Variants in CRYBB2 observed in about 807,000 individuals in gnomAD.
CRYBB2 encodes the protein beta-crystallin B2.
Under a neutral mutation model 24.3 loss-of-function variants are expected in CRYBB2, and 12 were observed. That is an observed-to-expected ratio of 0.49 (90% CI 0.32 to 0.80). The LOEUF (loss-of-function observed/expected upper bound fraction) is 0.80, where lower values mean the gene tolerates loss of function less well. Ranked by LOEUF, CRYBB2 falls within the 30% of genes least tolerant of loss-of-function variation. CRYBB2 has a pLI of 0.04. For missense variants in CRYBB2, 198 were observed against 268.5 expected, an observed-to-expected ratio of 0.74 and a Z score of 1.83; for synonymous variants, 98 against 101.6, an observed-to-expected ratio of 0.96 and a Z score of 0.21.
At chr22:25,229,044 AAGTGTGGTGTGCG>A (rs1405277443) in intron 4 of CRYBB2, among the ~76,000 whole-genome samples, 9 of 139,338 alleles carry the variant, frequency 6.5e-5, no homozygotes, top group African/African-American at 2.5e-4. Context: ...GCGTGTGTGC[AAGTGTGGTGTGCG>A]TGTGTGCATG....
chr22:25,227,011 T>A (rs981833953), intron 3 of CRYBB2, among the ~76,000 whole-genome samples: 1 of 152,200 alleles, frequency 6.6e-6, no homozygotes, highest in Non-Finnish European at 1.5e-5. Context: ...TTGCCTAAAG[T>A]AGAATTGCTG....
At chr22:25,223,695 A>G (rs1471052719) in intron 2 of CRYBB2, among the ~76,000 whole-genome samples, 1 of 152,102 alleles carries the variant, frequency 6.6e-6, no homozygotes, top group Non-Finnish European at 1.5e-5. Context: ...AGAGAGGGCT[A>G]TGTTTACCCA....
At chr22:25,213,661 C>T (rs1448586525) in intron 1 of CRYBB2, 1 of 152,134 alleles carries the variant, frequency 6.6e-6, no homozygotes, top group Middle Eastern at 3.2e-3. Flanking sequence ...AATCCACTGA[C>T]CAGAATGAGT....
upstream of CRYBB2, among the ~76,000 whole-genome samples, chr22:25,218,569 G>C (rs12159925): frequency 0.079 from 11,815 of 148,976 alleles, 543 homozygotes; most frequent in East Asian, 0.18. Context: ...GTGAGGCTGA[G>C]GCAGGAGAAT....
upstream of CRYBB2, among the ~76,000 whole-genome samples, chr22:25,218,943 C>T (rs1373581655): frequency 6.6e-6 from 1 of 152,094 alleles, no homozygotes; most frequent in Non-Finnish European, 1.5e-5. Context: ...CAGGCCCTGC[C>T]CACCTTGGCC....
intron 3 of CRYBB2, among the ~76,000 whole-genome samples, chr22:25,227,498 T>C (rs1258071756): frequency 2.7e-5 from 4 of 150,900 alleles, no homozygotes; most frequent in Non-Finnish European, 5.9e-5. Context: ...ACGCTACAAA[T>C]CAAGAGTGTT....
At chr22:25,214,584 C>T (rs1935143216) in intron 1 of CRYBB2, among the ~76,000 whole-genome samples, 1 of 152,178 alleles carries the variant, frequency 6.6e-6, no homozygotes, top group Non-Finnish European at 1.5e-5. Context: ...GCCATCCACA[C>T]AGATGTAATA....
chr22:25,220,445 A>G (rs529474763), intron 1 of CRYBB2, among the ~76,000 whole-genome samples: 1 of 152,154 alleles, frequency 6.6e-6, no homozygotes, highest in African/African-American at 2.4e-5. Flanking sequence ...GTCTGTGAAC[A>G]CTCAGGACTG....
At chr22:25,223,709 T>C (rs1242600496) in intron 2 of CRYBB2, among the ~76,000 whole-genome samples, 5 of 152,186 alleles carry the variant, frequency 3.3e-5, no homozygotes, top group African/African-American at 1.2e-4. Context: ...TTACCCAGCC[T>C]GTGCTGACCG....
intron 1 of CRYBB2, chr22:25,212,891 A>G (rs1042889064): frequency 6.6e-5 from 10 of 152,220 alleles, no homozygotes; most frequent in African/African-American, 2.2e-4. Context: ...AATGTCACCC[A>G]TGGCAATGCT....
chr22:25,213,573 G>A (rs981237037), intron 1 of CRYBB2: 1 of 152,206 alleles, frequency 6.6e-6, no homozygotes, highest in African/African-American at 2.4e-5. Flanking sequence ...GACAGCAGAA[G>A]AGAAGAGAGC....
At chr22:25,221,325 G>A in intron 1 of CRYBB2, 79 bp from the exon 2 acceptor site, 1 of 847,208 alleles carries the variant, frequency 1.2e-6, no homozygotes, top group Non-Finnish European at 2.1e-6. Flanking sequence ...GGGCCAGAGG[G>A]GAGTGGTCTC....
upstream of CRYBB2, among the ~76,000 whole-genome samples, chr22:25,217,471 C>A (rs1935188297): frequency 6.6e-6 from 1 of 152,154 alleles, no homozygotes; most frequent in African/African-American, 2.4e-5. Flanking sequence ...GCATGTGCCA[C>A]CATGCCCGGC....
intron 2 of CRYBB2, among the ~76,000 whole-genome samples, chr22:25,224,644 C>T (rs1443409533): frequency 1.3e-5 from 2 of 152,180 alleles, no homozygotes; most frequent in Non-Finnish European, 2.9e-5. Flanking sequence ...GCTGAGATTA[C>T]AGGGGTGAGC....
intron 2 of CRYBB2, among the ~76,000 whole-genome samples, chr22:25,223,935 T>G (rs9612894): frequency 6.6e-6 from 1 of 151,700 alleles, no homozygotes. Context: ...CCTGGCTAAC[T>G]TGGTGAAACC....
chr22:25,228,041 T>C, intron 4 of CRYBB2, 56 bp downstream of exon 4: 1 of 1,612,354 alleles, frequency 6.2e-7, no homozygotes, highest in Non-Finnish European at 8.5e-7. Context: ...CTACTTTCTC[T>C]CTCTGCCACC....
intron 2 of CRYBB2, among the ~76,000 whole-genome samples, chr22:25,221,860 C>T (rs751453248): frequency 1.3e-4 from 20 of 152,152 alleles, no homozygotes; most frequent in Non-Finnish European, 2.9e-4. Context: ...CTGTGTGATC[C>T]GGGCCAATTA....
At position 25,213,402 on chromosome 22, in the gene CRYBB2, G is replaced by C. The variant is rs982690810; in HGVS notation, c.-27+562G>C. 2.0e-5 allele frequency: 3 copies of C among 152,136 alleles called. No homozygotes were observed. The South Asian group carries it at 6.2e-4, about 32-fold the overall frequency. The allele number at this position is 152,136 out of a possible 1,614,324, so 9.4% of individuals were successfully genotyped here. A position where few individuals can be genotyped will look rare whatever the true frequency, so the allele number is the denominator to read the frequency against. On this transcript the variant is annotated intron_variant, in intron 1 of 5. Transcript: ENST00000651629. ...TATGTATCTGTCAGGCTATGCTGCA[G>C]TAACAAACAGCCCCCAATTCTTGGT...
At chr22:25,218,790 G>GAAA, upstream of CRYBB2, among the ~76,000 whole-genome samples, 1 of 84,968 alleles carries the variant, frequency 1.2e-5, no homozygotes, top group East Asian at 4.3e-4. Flanking sequence ...AAGAAAGAAA[G>GAAA]AAAGAAAGAA....
Sources: allele counts gnomAD v4.1 joint callset (sites outside exome capture counted in the v4.1 genomes callset), GRCh38; gene constraint gnomAD v4.1.1; transcripts MANE v1.5; gene names NCBI Gene and HGNC (gene_info 2026-07-23, HGNC 2026-07-21).